SPEM1: variants seen among roughly 807,000 people sequenced by gnomAD.
SPEM1 encodes spermatid maturation protein 1.
In SPEM1, 10 loss-of-function variants were observed where a neutral mutation model predicts 9.0. The ratio of observed to expected loss-of-function variants is 1.11; its 90% CI spans 0.68 to 1.88. The LOEUF is 1.88. Ranked by LOEUF, SPEM1 falls within the 40% of genes most tolerant of loss-of-function variation. The pLI, the probability that SPEM1 is intolerant of heterozygous loss-of-function variation, is 0.00. For missense variants in SPEM1, 401 were observed against 408.6 expected, an observed-to-expected ratio of 0.98 and a Z score of 0.16; for synonymous variants, 175 against 157.8, an observed-to-expected ratio of 1.11 and a Z score of -0.82.
rs577160956 is a variant in SPEM1, at chr17:7,421,475, T to A, written c.800T>A (p.Met267Lys). ...CGAATAGTGTATGATGCCCGGGACA[T>A]GAGACGGCGGCTTCGGGAACTGACC... is the stretch of plus-strand genomic sequence containing the variant. ...SGRIVYDARD[M>K]RRRLRELTRE... Residue 267 changes from methionine to lysine, a missense_variant, in exon 3 of 3, where the codon ATG (methionine) becomes AAG (lysine). Physicochemically the swap from Met to Lys is moderately conservative, Grantham distance 95. Transcript: ENST00000323675. The surrounding 1 kb of genome is among the most constrained non-coding windows in gnomAD (Gnocchi z 4.8). 5 of 1,612,024 alleles carry A rather than the reference T, an allele frequency of 3.1e-6. No individual in the cohort carries two copies. The East Asian group carries it at 1.1e-4, about 36-fold the overall frequency.
At position 7,421,015 on chromosome 17, in the gene SPEM1, C is replaced by G. The variant is rs371265458; in HGVS notation, c.340C>G (p.Arg114Gly). Residue 114 changes from arginine to glycine, a missense_variant, in exon 3 of 3, where the codon CGT becomes GGT. Arg to Gly is a moderately radical substitution (Grantham distance 125). Transcript: ENST00000323675. The surrounding 1 kb of genome is among the most constrained non-coding windows in gnomAD (Gnocchi z 4.8). ...VSPPPAHRHRRRGSPTRCAHC... is the reference protein window; with the variant it reads ...VSPPPAHRHRGRGSPTRCAHC... ...CCCGCCCCCAGCTCACCGCCATCGC[C>G]GTCGAGGCTCTCCCACACGCTGTGC... 2.4e-5 allele frequency: 39 copies of G among 1,613,992 alleles called. No homozygotes were observed. Among genetic ancestry groups the G allele is most frequent in the Non-Finnish European group, 3.0e-5 (35 of 1,180,024 alleles).
chr17:7,420,817 C>T (rs201721956), intron 2 of SPEM1, 64 bp from the exon 3 acceptor site: 1 of 1,602,384 alleles, frequency 6.2e-7, no homozygotes, highest in South Asian at 1.1e-5. Flanking sequence ...CCTTCCTGGG[C>T]CCTGCCTCTC....
At chr17:7,420,747 C>G (rs1907359676) in intron 2 of SPEM1, 60 bp downstream of exon 2, 1 of 1,607,314 alleles carries the variant, frequency 6.2e-7, no homozygotes, top group South Asian at 1.1e-5. Context: ...TAGCCTCAGC[C>G]CTAAATTAGC....
rs759531801 is a variant in SPEM1, at chr17:7,420,531, C to T, written c.144+3C>T. 1 of 1,612,994 alleles carries T rather than the reference C, an allele frequency of 6.2e-7. No individual in the cohort carries two copies. The highest frequency in any genetic ancestry group is 1.3e-5 in the African/African-American group (1 of 74,876). On this transcript the variant is annotated splice_donor_region_variant and intron_variant, in intron 1 of 2. Transcript: ENST00000323675. ...TTAGCATCAATATAGTGACCCTGGT[C>T]AGGGTGGGGCCAGATGGGAGGGAGC...
At position 7,421,490 on chromosome 17, in the gene SPEM1, G is replaced by A. The variant is rs758729774; in HGVS notation, c.815G>A (p.Arg272Gln). The A allele has an allele frequency of 1.1e-5, 17 of 1,610,858 alleles. No homozygotes were observed. The highest frequency in any genetic ancestry group is 1.7e-4 in the Middle Eastern group (1 of 6,058). ...GCCCGGGACATGAGACGGCGGCTTC[G>A]GGAACTGACCCGGGAGGTGGAGGCC... is the stretch of plus-strand genomic sequence containing the variant. The part of the protein sequence containing the change: ...YDARDMRRRL[R>Q]ELTREVEALS... The change falls in exon 3 of 3, where the codon CGG becomes CAG. Residue 272 changes from arginine to glutamine, a missense_variant. Arg to Gln is a conservative substitution (Grantham distance 43). Transcript: ENST00000323675. The surrounding 1 kb of genome is among the most constrained non-coding windows in gnomAD (Gnocchi z 4.8).
chr17:7,420,940 C>T lies in SPEM1; in HGVS notation c.265C>T (p.Pro89Ser), dbSNP rs1907370347. The T allele has an allele frequency of 6.2e-7, 1 of 1,614,128 alleles. No individual in the cohort carries two copies. The highest frequency in any genetic ancestry group is 8.5e-7 in the Non-Finnish European group (1 of 1,180,006). Residue 89 changes from proline (P) to serine (S), a missense_variant, in exon 3 of 3, where the codon CCT (proline) becomes TCT (serine). By Grantham distance (74) the Pro-to-Ser change is moderately conservative. Transcript: ENST00000323675. ...QTQPPKKQSS[P>S]AVHLRCTMDP... ...CCAGCCCCCTAAGAAGCAGAGTTCT[C>T]CTGCAGTCCATCTTCGGTGCACCAT...
chr17:7,420,719 G>A (rs1298250768), intron 2 of SPEM1, 32 bp downstream of exon 2: 3 of 1,612,234 alleles, frequency 1.9e-6, no homozygotes, highest in Middle Eastern at 3.3e-4. Context: ...ACATAGGAGG[G>A]GCAGAAACCA....
chr17:7,420,498 C>T lies in SPEM1; in HGVS notation c.114C>T (p.Cys38=), dbSNP rs769212301. Residue 38 remains cysteine, a synonymous_variant, in exon 1 of 3, where the codon TGC becomes TGT. Coordinates refer to ENST00000323675, the MANE Select transcript of SPEM1 (RefSeq NM_199339.3). ...TGTTGCTGCTGGGCCTCATCATCTGCATTAACATTAGCATCAATATAGTGA... is the reference window on the plus strand; with the variant it reads ...TGTTGCTGCTGGGCCTCATCATCTGTATTAACATTAGCATCAATATAGTGA... The part of the protein sequence containing the change: ...SVLLLLGLII[C]INISINIVTL... 1.2e-6 allele frequency: 2 copies of T among 1,612,758 alleles called. No homozygotes were observed. Among genetic ancestry groups the T allele is most frequent in the Non-Finnish European group, 8.5e-7 (1 of 1,179,226 alleles).
Position 7,420,867 on chromosome 17 carries a change from T to TC in SPEM1, c.206-9dup, listed in dbSNP as rs1907366915. ...CTGGCCTCCCCACTAGTCTCACCTC[T>TC]CCCCCATCCACAGAAGCTCCCAAGT... is the stretch of plus-strand genomic sequence containing the variant. On this transcript the variant is annotated splice_polypyrimidine_tract_variant and intron_variant, in intron 2 of 2. Transcript: ENST00000323675. 4.3e-6 allele frequency: 7 copies of TC among 1,611,664 alleles called. No individual in the cohort carries two copies. The highest frequency in any genetic ancestry group is 5.9e-6 in the Non-Finnish European group (7 of 1,179,142).
In SPEM1 at chr17:7,421,521, C is replaced by G. The variant is rs761905255; in HGVS notation, c.846C>G (p.Ser282=). 1 of 1,601,990 alleles carries G rather than the reference C, an allele frequency of 6.2e-7. No individual in the cohort carries two copies. The highest frequency in any genetic ancestry group is 8.5e-7 in the Non-Finnish European group (1 of 1,176,270). ...RELTREVEAL[S]GCYPLASGSS... ...TGACCCGGGAGGTGGAGGCCCTGTCCGGCTGCTACCCCCTAGCCTCTGGAT... is the reference window on the plus strand; with the variant it reads ...TGACCCGGGAGGTGGAGGCCCTGTCGGGCTGCTACCCCCTAGCCTCTGGAT... Residue 282 remains serine (S), a synonymous_variant, in exon 3 of 3, where the codon TCC becomes TCG. Transcript: ENST00000323675. The surrounding 1 kb of genome is among the most constrained non-coding windows in gnomAD (Gnocchi z 4.8).
chr17:7,421,425 A>G lies in SPEM1; in HGVS notation c.750A>G (p.Glu250=), dbSNP rs199976093. 434 of 1,607,808 alleles carry G rather than the reference A, an allele frequency of 2.7e-4. 5 individuals are homozygous for G. The Admixed American group carries it at 7.2e-3, about 27-fold the overall frequency. Residue 250 remains glutamate (E), a synonymous_variant, in exon 3 of 3, where the codon GAA becomes GAG. Transcript: ENST00000323675. This position sits in a 1 kb window ranked among gnomAD's most constrained non-coding sequence, Gnocchi z 4.8. ...CCCTGGGCCCAGCAGTCATCCCTGA[A>G]TTTTCCCGGCACCGCTCCTCAGGCC... The part of the protein sequence containing the change: ...APTLGPAVIP[E]FSRHRSSGRI...
In SPEM1 at chr17:7,420,431, A is replaced by G. The variant is rs1292342560; in HGVS notation, c.47A>G (p.Asn16Ser). ...RPRPEWASYH[N>S]CNSNSCQDLG... ...AGGCCCGAGTGGGCCTCGTATCACAACTGCAACAGCAACAGCTGCCAGGAC... is the reference window on the plus strand; with the variant it reads ...AGGCCCGAGTGGGCCTCGTATCACAGCTGCAACAGCAACAGCTGCCAGGAC... Residue 16 changes from asparagine (N) to serine (S), a missense_variant, in exon 1 of 3, where the codon AAC becomes AGC. Coordinates refer to ENST00000323675, the MANE Select transcript of SPEM1 (RefSeq NM_199339.3). The G allele has an allele frequency of 6.3e-7, 1 of 1,589,806 alleles. No homozygotes were observed. Among genetic ancestry groups the G allele is most frequent in the Non-Finnish European group, 8.6e-7 (1 of 1,168,102 alleles).
In SPEM1 at chr17:7,420,637, G is replaced by T. The variant is rs200086428; in HGVS notation, c.155G>T (p.Arg52Leu). 6.2e-7 allele frequency: 1 copy of T among 1,614,134 alleles called. No individual in the cohort carries two copies. Among genetic ancestry groups the T allele is most frequent in the Admixed American group, 1.7e-5 (1 of 60,020 alleles). The change falls in exon 2 of 3, where the codon CGA (arginine) becomes CTA (leucine). Residue 52 changes from arginine (R) to leucine (L), a missense_variant. Physicochemically the swap from Arg to Leu is moderately radical, Grantham distance 102. Transcript: ENST00000323675. ...TCTTCCCCCACCTAGCTCTGGAGCC[G>T]ATTCCGTGGTGTCTTATACCAAGTG... ...SINIVTLLWS[R>L]FRGVLYQVFH...
At chr17:7,420,824 T>G (rs753162648) in intron 2 of SPEM1, 57 bp from the exon 3 acceptor site, 1 of 1,604,020 alleles carries the variant, frequency 6.2e-7, no homozygotes, top group Non-Finnish European at 8.5e-7. Context: ...GGGCCCTGCC[T>G]CTCCATGCCT....
At position 7,421,426 on chromosome 17, in the gene SPEM1, T is replaced by G. The variant is rs747737377; in HGVS notation, c.751T>G (p.Phe251Val). ...PTLGPAVIPEFSRHRSSGRIV... is the reference protein window; with the variant it reads ...PTLGPAVIPEVSRHRSSGRIV... ...CCTGGGCCCAGCAGTCATCCCTGAA[T>G]TTTCCCGGCACCGCTCCTCAGGCCG... is the stretch of plus-strand genomic sequence containing the variant. Residue 251 changes from phenylalanine to valine, a missense_variant, in exon 3 of 3, where the codon TTT (phenylalanine) becomes GTT (valine). Physicochemically the swap from Phe to Val is conservative, Grantham distance 50. Coordinates refer to ENST00000323675, the MANE Select transcript of SPEM1 (RefSeq NM_199339.3). The surrounding 1 kb of genome is among the most constrained non-coding windows in gnomAD (Gnocchi z 4.8). 6.2e-7 allele frequency: 1 copy of G among 1,607,906 alleles called. No individual in the cohort carries two copies. The highest frequency in any genetic ancestry group is 1.1e-5 in the South Asian group (1 of 90,592).
chr17:7,421,362 G>A lies in SPEM1; in HGVS notation c.687G>A (p.Glu229=). The A allele has an allele frequency of 6.2e-7, 1 of 1,613,178 alleles. No individual in the cohort carries two copies. The highest frequency in any genetic ancestry group is 8.5e-7 in the Non-Finnish European group (1 of 1,179,568). The change falls in exon 3 of 3, where the codon GAG becomes GAA. Residue 229 remains glutamate (E), a synonymous_variant. Transcript: ENST00000323675. This position sits in a 1 kb window ranked among gnomAD's most constrained non-coding sequence, Gnocchi z 4.8. Reference sequence around the variant, plus strand: ...ACGGTGGGGAGGGGGCGGTGCCAGAGGCAGAGGCGGCTCAGTACCAGCCTG... The same window carrying A: ...ACGGTGGGGAGGGGGCGGTGCCAGAAGCAGAGGCGGCTCAGTACCAGCCTG... ...HKNGGEGAVP[E]AEAAQYQPVP...
At chr17:7,420,746 C>A in intron 2 of SPEM1, 59 bp downstream of exon 2, 1 of 1,608,044 alleles carries the variant, frequency 6.2e-7, no homozygotes, top group Non-Finnish European at 8.5e-7. Context: ...CTAGCCTCAG[C>A]CCTAAATTAG....
In SPEM1 at chr17:7,421,410, A is replaced by C. The variant is rs1907400928; in HGVS notation, c.735A>C (p.Pro245=). 1.9e-6 allele frequency: 3 copies of C among 1,607,804 alleles called. No homozygotes were observed. Among genetic ancestry groups the C allele is most frequent in the Non-Finnish European group, 2.6e-6 (3 of 1,175,796 alleles). The change falls in exon 3 of 3, where the codon CCA becomes CCC. Residue 245 remains proline (P), a synonymous_variant. Transcript: ENST00000323675. This position sits in a 1 kb window ranked among gnomAD's most constrained non-coding sequence, Gnocchi z 4.8. ...CTGTCCCAGCTCCCACCCTGGGCCC[A>C]GCAGTCATCCCTGAATTTTCCCGGC... ...YQPVPAPTLG[P]AVIPEFSRHR...
chr17:7,420,918 G>A lies in SPEM1; in HGVS notation c.243G>A (p.Gln81=). 6.2e-7 allele frequency: 1 copy of A among 1,613,942 alleles called. No individual in the cohort carries two copies. Among genetic ancestry groups the A allele is most frequent in the Non-Finnish European group, 8.5e-7 (1 of 1,179,986 alleles). The change falls in exon 3 of 3, where the codon CAG becomes CAA. Residue 81 remains glutamine, a synonymous_variant. Transcript: ENST00000323675. ...CATCATTACTCAGAAAGCAGACCCAGCCCCCTAAGAAGCAGAGTTCTCCTG... is the reference window on the plus strand; with the variant it reads ...CATCATTACTCAGAAAGCAGACCCAACCCCCTAAGAAGCAGAGTTCTCCTG... ...PKSSLLRKQT[Q]PPKKQSSPAV...
Sources: allele counts gnomAD v4.1 joint callset, GRCh38; gene constraint gnomAD v4.1.1; non-coding constraint Gnocchi (gnomAD v3.1); transcripts MANE v1.5; gene names NCBI Gene and HGNC (gene_info 2026-07-23, HGNC 2026-07-21).